TTLL9: variants seen among roughly 807,000 people sequenced by gnomAD.
TTLL9 encodes tubulin tyrosine ligase like 9, also known as probable tubulin polyglutamylase TTLL9.
Under a neutral mutation model 65.6 loss-of-function variants are expected in TTLL9, and 47 were observed. The ratio of observed to expected loss-of-function variants is 0.72; its 90% CI spans 0.57 to 0.91. The LOEUF is 0.91. Among genes scored for constraint, TTLL9 ranks in the 40% least tolerant of loss-of-function variants. The pLI, the probability that TTLL9 is intolerant of heterozygous loss-of-function variation, is 0.00. For synonymous variants in TTLL9, 179 were observed against 204.8 expected, an observed-to-expected ratio of 0.87 and a Z score of 1.07; for missense variants, 537 against 568.8, an observed-to-expected ratio of 0.94 and a Z score of 0.57.
chr20:31,882,184 C>A lies in TTLL9; in HGVS notation c.70-5012C>A, dbSNP rs1022400388. ...GAATACCGCGTGTTCCAACCTTTGA[C>A]CCCATCTCCTCAAGGTTATGGTCGC... On this transcript the variant is annotated intron_variant, in intron 2 of 14. Coordinates refer to ENST00000535842, the MANE Select transcript of TTLL9 (RefSeq NM_001008409.5). Among the ~76,000 whole-genome samples, 4 of 152,178 alleles carry A rather than the reference C, an allele frequency of 2.6e-5. No homozygotes were observed. In the East Asian group the frequency reaches 5.8e-4, roughly 22 times the overall value.
intron 12 of TTLL9, among the ~76,000 whole-genome samples, chr20:31,935,361 G>A (rs1308136394): frequency 2.0e-5 from 3 of 152,308 alleles, no homozygotes; most frequent in East Asian, 1.9e-4. Flanking sequence ...GGACCACCAC[G>A]ATGGCCTCAC....
intron 6 of TTLL9, among the ~76,000 whole-genome samples, chr20:31,910,751 A>G (rs2123508975): frequency 6.6e-6 from 1 of 152,310 alleles, no homozygotes; most frequent in Middle Eastern, 3.4e-3. Flanking sequence ...CAGAATTAGT[A>G]TTGAGCTGCA....
intron 13 of TTLL9, among the ~76,000 whole-genome samples, chr20:31,937,757 C>A (rs1474124333): frequency 1.3e-5 from 2 of 151,110 alleles, no homozygotes; most frequent in African/African-American, 4.9e-5. Context: ...AGGATTTCCT[C>A]GAAACCTCCT....
chr20:31,942,233 C>T (rs188578668), intron 14 of TTLL9, among the ~76,000 whole-genome samples: 3 of 152,248 alleles, frequency 2.0e-5, no homozygotes, highest in Admixed American at 6.5e-5. Flanking sequence ...CAGCAATGTG[C>T]CTGGCATGAG....
intron 14 of TTLL9, chr20:31,940,506 AT>A (rs2064186370): frequency 6.6e-6 from 1 of 152,176 alleles, no homozygotes. Flanking sequence ...CTAAGATTGT[AT>A]TTCTAACAAG....
chr20:31,894,843 G>A lies in TTLL9; in HGVS notation c.114-3630G>A, dbSNP rs1164398912. On this transcript the variant is annotated intron_variant, in intron 3 of 14. Coordinates refer to ENST00000535842, the MANE Select transcript of TTLL9 (RefSeq NM_001008409.5). ...TTCCTCCTAAAGCTGAGTTGAACAT[G>A]GGTTGGGCTGCAGCTTTAATTAAAT... Among the ~76,000 whole-genome samples the A allele has an allele frequency of 2.0e-5, 3 of 152,106 alleles. No individual in the cohort carries two copies. The East Asian group carries it at 5.8e-4, about 29-fold the overall frequency.
intron 3 of TTLL9, among the ~76,000 whole-genome samples, chr20:31,892,727 A>G (rs1439075215): frequency 1.3e-5 from 2 of 152,160 alleles, no homozygotes; most frequent in Non-Finnish European, 2.9e-5. Flanking sequence ...CCTGAGGAAT[A>G]CTTGAGACCA....
At position 31,909,728 on chromosome 20, in the gene TTLL9, G is replaced by T. The variant is rs184586319; in HGVS notation, c.319-9G>T. The T allele has an allele frequency of 6.2e-7, 1 of 1,611,630 alleles. No individual in the cohort carries two copies. Among genetic ancestry groups the T allele is most frequent in the African/African-American group, 1.3e-5 (1 of 74,868 alleles). ...GAGCTAATGGCCGCCTGTCCTTCCC[G>T]CCACCCAGCTGACCCGGAAGAACTA... On this transcript the variant is annotated splice_polypyrimidine_tract_variant and intron_variant, in intron 5 of 14. Coordinates refer to ENST00000535842, the MANE Select transcript of TTLL9 (RefSeq NM_001008409.5).
In TTLL9 at chr20:31,942,926, C is replaced by T; in HGVS notation, c.1244-19C>T. 1 of 1,613,892 alleles carries T rather than the reference C, an allele frequency of 6.2e-7. No individual in the cohort carries two copies. The highest frequency in any genetic ancestry group is 1.3e-5 in the African/African-American group (1 of 75,040). On this transcript the variant is annotated intron_variant, in intron 14 of 14. Coordinates refer to ENST00000535842, the MANE Select transcript of TTLL9 (RefSeq NM_001008409.5). ...CCCAAGCATAGGTCATCCCAGCCAA[C>T]ACCCCACTTCCTTTCCAGGCTGCGT...
At chr20:31,937,558 G>A in intron 13 of TTLL9, 49 bp downstream of exon 13, 1 of 1,486,998 alleles carries the variant, frequency 6.7e-7, no homozygotes. Context: ...GACAACTGAG[G>A]CTCCCACCAA....
At chr20:31,916,212 CA>C (rs1262895437) in intron 6 of TTLL9, among the ~76,000 whole-genome samples, 1 of 152,216 alleles carries the variant, frequency 6.6e-6, no homozygotes, top group Non-Finnish European at 1.5e-5. Context: ...GAGAGCCAGG[CA>C]GAAGCTATAT....
chr20:31,928,235 A>G (rs2063942952), intron 10 of TTLL9, among the ~76,000 whole-genome samples: 1 of 152,138 alleles, frequency 6.6e-6, no homozygotes, highest in African/African-American at 2.4e-5. Flanking sequence ...TTTCTAGTTA[A>G]TGAGGCTTTG....
At chr20:31,930,480 C>G (rs1235400851) in intron 10 of TTLL9, among the ~76,000 whole-genome samples, 1 of 152,180 alleles carries the variant, frequency 6.6e-6, no homozygotes, top group East Asian at 1.9e-4. Context: ...TGGGGTCCTA[C>G]CAGCTTTATT....
intron 3 of TTLL9, among the ~76,000 whole-genome samples, chr20:31,890,012 T>TTC (rs2063269305): frequency 2.1e-5 from 3 of 140,728 alleles, no homozygotes; most frequent in Admixed American, 7.0e-5. Context: ...CTTTCTTTCT[T>TTC]TCTTTCTTTC....
rs1035709256 is a variant in TTLL9, at chr20:31,934,513, G to A, written c.808-179G>A. 2.1e-4 allele frequency: 139 copies of A among 669,394 alleles called. No homozygotes were observed. The African/African-American group carries it at 2.2e-3, about 11-fold the overall frequency. The allele number at this position is 669,394 out of a possible 1,614,324, so 41.5% of individuals were successfully genotyped here. On this transcript the variant is annotated intron_variant, in intron 11 of 14. Coordinates refer to ENST00000535842, the MANE Select transcript of TTLL9 (RefSeq NM_001008409.5). Reference sequence around the variant, plus strand: ...CTGCATAGCCAGTCCTCTTAGACATGAAGAATTTTTGCCCCTCAAAGAGGG... The same window carrying A: ...CTGCATAGCCAGTCCTCTTAGACATAAAGAATTTTTGCCCCTCAAAGAGGG...
At chr20:31,891,103 G>A (rs2063302104) in intron 3 of TTLL9, among the ~76,000 whole-genome samples, 1 of 152,124 alleles carries the variant, frequency 6.6e-6, no homozygotes. Flanking sequence ...CTGAGTTTAG[G>A]GTACGTGCAT....
At chr20:31,882,695 T>C (rs2063135429) in intron 2 of TTLL9, among the ~76,000 whole-genome samples, 1 of 152,220 alleles carries the variant, frequency 6.6e-6, no homozygotes, top group African/African-American at 2.4e-5. Flanking sequence ...AAAGTATTTA[T>C]ATCCCTGGGC....
At chr20:31,933,367 T>C (rs1369580780) in intron 10 of TTLL9, among the ~76,000 whole-genome samples, 1 of 151,986 alleles carries the variant, frequency 6.6e-6, no homozygotes, top group East Asian at 1.9e-4. Context: ...TGTCCTGAGA[T>C]GGTTGTTCTG....
intron 3 of TTLL9, 77 bp downstream of exon 3, chr20:31,887,316 C>A: frequency 3.5e-6 from 5 of 1,437,940 alleles, no homozygotes; most frequent in Non-Finnish European, 4.9e-6. Flanking sequence ...ATCCCTCTCT[C>A]CCTTTTCTAC....
Sources: gnomAD v4.1 joint callset for allele counts (sites outside exome capture counted in the v4.1 genomes callset) on GRCh38, gnomAD v4.1.1 for gene constraint, MANE v1.5 for transcripts, NCBI Gene and HGNC (gene_info 2026-07-23, HGNC 2026-07-21) for gene names.